The following VWC2 variants were observed in gnomAD, a reference collection of about 807,000 sequenced individuals.
VWC2 encodes von Willebrand factor C domain containing 2.
In VWC2, 14 loss-of-function variants were observed where a neutral mutation model predicts 29.8. The ratio of observed to expected loss-of-function variants is 0.47; its 90% CI spans 0.31 to 0.74. The LOEUF is 0.74. Among genes scored for constraint, VWC2 ranks in the 30% least tolerant of loss-of-function variants. The pLI, the probability that VWC2 is intolerant of heterozygous loss-of-function variation, is 0.05. For missense variants in VWC2, 457 were observed against 459.8 expected, an observed-to-expected ratio of 0.99 and a Z score of 0.05; for synonymous variants, 213 against 199.0, an observed-to-expected ratio of 1.07 and a Z score of -0.59.
At chr7:49,819,386 C>A (rs1789216630) in intron 3 of VWC2, among the ~76,000 whole-genome samples, 1 of 152,212 alleles carries the variant, frequency 6.6e-6, no homozygotes, top group Admixed American at 6.5e-5. Context: ...CCTAGGCCAC[C>A]TTTATGAACT....
At chr7:49,821,606 A>G (rs1020873353) in intron 3 of VWC2, among the ~76,000 whole-genome samples, 1 of 152,214 alleles carries the variant, frequency 6.6e-6, no homozygotes, top group Non-Finnish European at 1.5e-5. Context: ...TGCTTCAAGT[A>G]GAAAAACAAT....
At chr7:49,803,457 C>G (rs1201062254) in intron 3 of VWC2, among the ~76,000 whole-genome samples, 1 of 152,094 alleles carries the variant, frequency 6.6e-6, no homozygotes. Context: ...GAGTGCATAC[C>G]CAGGCTGGCT....
rs1367556022 is a variant in VWC2 at position 49,914,344 on chromosome 7, T to C, written c.*2159T>C. On this transcript the variant is annotated 3_prime_UTR_variant, in exon 4 of 4. Coordinates refer to ENST00000340652, the MANE Select transcript of VWC2 (RefSeq NM_198570.5). Reference sequence around the variant, plus strand: ...TGTGAGAATTTCAGAAAACCTAGTATTTTGTTGCATATAGAGAGAATGAAC... The same window carrying C: ...TGTGAGAATTTCAGAAAACCTAGTACTTTGTTGCATATAGAGAGAATGAAC... The C allele has an allele frequency of 2.0e-5, 3 of 152,238 alleles. No homozygotes were observed. Among genetic ancestry groups the C allele is most frequent in the African/African-American group, 7.2e-5 (3 of 41,472 alleles). The allele number at this position is 152,238 out of a possible 1,614,324, so 9.4% of individuals were successfully genotyped here.
chr7:49,792,623 G>A (rs1788489180), intron 2 of VWC2, among the ~76,000 whole-genome samples: 1 of 152,216 alleles, frequency 6.6e-6, no homozygotes, highest in Non-Finnish European at 1.5e-5. Context: ...CACATACACT[G>A]TCTTTCCTCC....
At chr7:49,874,442 T>C (rs1791309544) in intron 3 of VWC2, among the ~76,000 whole-genome samples, 1 of 152,064 alleles carries the variant, frequency 6.6e-6, no homozygotes, top group Admixed American at 6.6e-5. Flanking sequence ...GGCTGTACTA[T>C]CTAGGTCTGT....
intron 3 of VWC2, among the ~76,000 whole-genome samples, chr7:49,856,823 C>T (rs1462870199): frequency 6.6e-6 from 1 of 151,826 alleles, no homozygotes; most frequent in Non-Finnish European, 1.5e-5. Flanking sequence ...TCCTGGCTAA[C>T]ACGGTGAAAC....
chr7:49,900,267 C>G (rs1327022418), intron 3 of VWC2, among the ~76,000 whole-genome samples: 1 of 151,212 alleles, frequency 6.6e-6, no homozygotes, highest in East Asian at 1.9e-4. Flanking sequence ...CCTTTAGAAA[C>G]TAGAAAAAGA....
At chr7:49,809,853 G>A (rs1447809452) in intron 3 of VWC2, among the ~76,000 whole-genome samples, 1 of 151,890 alleles carries the variant, frequency 6.6e-6, no homozygotes. Flanking sequence ...AACAAACTAG[G>A]CATAAAAGGG....
chr7:49,805,845 G>A (rs1279831002), intron 3 of VWC2, among the ~76,000 whole-genome samples: 2 of 152,146 alleles, frequency 1.3e-5, no homozygotes, highest in Non-Finnish European at 2.9e-5. Flanking sequence ...CCTCACTCTG[G>A]CATGTCTTGA....
chr7:49,853,648 CGTTT>C (rs1790289357), intron 3 of VWC2, among the ~76,000 whole-genome samples: 1 of 151,382 alleles, frequency 6.6e-6, no homozygotes, highest in South Asian at 2.1e-4. Flanking sequence ...TGTTTATGAA[CGTTT>C]GTTTTTCTTC....
At chr7:49,804,926 G>T (rs1463357883) in intron 3 of VWC2, among the ~76,000 whole-genome samples, 3 of 152,114 alleles carry the variant, frequency 2.0e-5, no homozygotes, top group Non-Finnish European at 4.4e-5. Flanking sequence ...TAGTGTTCAA[G>T]ATTTTTTTAG....
intron 3 of VWC2, among the ~76,000 whole-genome samples, chr7:49,847,236 AT>A (rs1292098958): frequency 6.9e-6 from 1 of 144,192 alleles, no homozygotes; most frequent in African/African-American, 2.7e-5. Context: ...AATATAATAT[AT>A]ATAATATAAT....
At chr7:49,848,865 GT>G (rs1381088858) in intron 3 of VWC2, among the ~76,000 whole-genome samples, 1 of 152,134 alleles carries the variant, frequency 6.6e-6, no homozygotes, top group Non-Finnish European at 1.5e-5. Flanking sequence ...GTCTAATTCA[GT>G]AGACCAGAAA....
chr7:49,789,680 C>T (rs776721930), intron 2 of VWC2, among the ~76,000 whole-genome samples: 6 of 152,152 alleles, frequency 3.9e-5, no homozygotes, highest in Non-Finnish European at 5.9e-5. Flanking sequence ...TTTTGATCTT[C>T]CAATGTTTTT....
chr7:49,853,397 G>T (rs1790277351), intron 3 of VWC2, among the ~76,000 whole-genome samples: 1 of 152,226 alleles, frequency 6.6e-6, no homozygotes, highest in Non-Finnish European at 1.5e-5. Context: ...AGGAGATGCT[G>T]GCAGCCAGCC....
chr7:49,814,332 G>C (rs1789083524), intron 3 of VWC2, among the ~76,000 whole-genome samples: 1 of 152,140 alleles, frequency 6.6e-6, no homozygotes, highest in African/African-American at 2.4e-5. Flanking sequence ...GCAGAAAAGA[G>C]TTCAGATAGT....
At chr7:49,849,680 G>A (rs1478749074) in intron 3 of VWC2, among the ~76,000 whole-genome samples, 1 of 152,236 alleles carries the variant, frequency 6.6e-6, no homozygotes, top group African/African-American at 2.4e-5. Flanking sequence ...CCATTTGGTA[G>A]TGCCCTATTT....
chr7:49,813,472 C>T (rs1341708042), intron 3 of VWC2, among the ~76,000 whole-genome samples: 2 of 152,186 alleles, frequency 1.3e-5, no homozygotes, highest in Non-Finnish European at 2.9e-5. Context: ...TTGCTGTGTG[C>T]TTCTGCTGCT....
chr7:49,774,574 G>C (rs534890241), intron 1 of VWC2, among the ~76,000 whole-genome samples: 3 of 152,214 alleles, frequency 2.0e-5, no homozygotes, highest in African/African-American at 7.2e-5. Flanking sequence ...TGCTGCCCGG[G>C]CGCTTCTGCT....
Sources: allele counts gnomAD v4.1 joint callset (sites outside exome capture counted in the v4.1 genomes callset), GRCh38; gene constraint gnomAD v4.1.1; transcripts MANE v1.5; gene names NCBI Gene and HGNC (gene_info 2026-07-23, HGNC 2026-07-21).